Variants in COX15 observed in about 807,000 individuals in gnomAD.
The protein encoded by COX15 is cytochrome c oxidase assembly factor COX15.
COX15 carries 51 observed loss-of-function variants against 51.9 expected under a neutral mutation model. That is an observed-to-expected ratio of 0.98 (90% CI 0.78 to 1.24). COX15 has a LOEUF of 1.24. Among genes scored for constraint, COX15 ranks in the 50% most tolerant of loss-of-function variants. The pLI is 0.00. For synonymous variants in COX15, 188 were observed against 190.5 expected (o/e 0.99, Z 0.11); for missense variants, 420 against 501.1 (o/e 0.84, Z 1.55).
At chr10:99,709,140 T>G, downstream of COX15, 3 of 984,352 alleles carry the variant, frequency 3.0e-6, no homozygotes, top group Non-Finnish European at 3.6e-6. Context: ...AGCAATTCAT[T>G]AGATGACTAC....
At chr10:99,704,912 C>T in the COX15 span, 23 of 554,414 alleles carry the variant, frequency 4.1e-5, no homozygotes, top group Non-Finnish European at 6.1e-5. Flanking sequence ...GGTGCTAATA[C>T]GGGGGACCAA....
At chr10:99,709,053 G>A (rs1346220611), downstream of COX15, 1 of 982,618 alleles carries the variant, frequency 1.0e-6, no homozygotes, top group African/African-American at 1.7e-5. Flanking sequence ...TCTTGTTCCT[G>A]TATTTCTTTT....
At chr10:99,722,724 C>A (rs1425114482) in intron 5 of COX15, among the ~76,000 whole-genome samples, 5 of 151,996 alleles carry the variant, frequency 3.3e-5, no homozygotes, top group Non-Finnish European at 7.4e-5. Flanking sequence ...GTCCCAGCTA[C>A]TCGGGAGGCT....
At chr10:99,716,006 T>TTA (rs1291333882) in intron 8 of COX15, among the ~76,000 whole-genome samples, 1 of 142,714 alleles carries the variant, frequency 7.0e-6, no homozygotes. Flanking sequence ...TTTTTTTTTT[T>TTA]AAACAGACAG....
In COX15 at chr10:99,716,477, A is replaced by G. The variant is rs776688194; in HGVS notation, c.988-16T>C. ...AAGTGATTCCCTGCAGGGAAGAAAG[A>G]GTCTATCACATTAGATAGAAGTGCC... On this transcript the variant is annotated splice_polypyrimidine_tract_variant and intron_variant, in intron 7 of 8. Transcript: ENST00000016171. 2 of 1,552,852 alleles carry G rather than the reference A, an allele frequency of 1.3e-6. No homozygotes were observed. Among genetic ancestry groups the G allele is most frequent in the Admixed American group, 3.3e-5 (2 of 59,930 alleles).
intron 8 of COX15, among the ~76,000 whole-genome samples, chr10:99,715,539 T>G (rs1228596534): frequency 1.3e-5 from 2 of 151,940 alleles, no homozygotes; most frequent in African/African-American, 2.4e-5. Context: ...GGACTGTTTC[T>G]AGGACTGACA....
In COX15 at chr10:99,710,898, A is replaced by G. The variant is rs2036360723; in HGVS notation, c.*3689T>C. On this transcript the variant is annotated 3_prime_UTR_variant, in exon 9 of 9. Transcript: ENST00000016171. ...AAAGCCATGTGTTTTAATTTCCTTC[A>G]TGTTTTAAAAACAATGGACGTAAGT... 1.0e-6 allele frequency: 1 copy of G among 985,246 alleles called. No individual in the cohort carries two copies. The highest frequency in any genetic ancestry group is 6.2e-5 in the Admixed American group (1 of 16,254). The allele number at this position is 985,246 out of a possible 1,614,324, so 61.0% of individuals were successfully genotyped here. A position where few individuals can be genotyped will look rare whatever the true frequency, so the allele number is the denominator to read the frequency against.
At chr10:99,725,411 T>A (rs1174733518) in intron 4 of COX15, among the ~76,000 whole-genome samples, 1 of 152,218 alleles carries the variant, frequency 6.6e-6, no homozygotes, top group Non-Finnish European at 1.5e-5. Flanking sequence ...TCCCTAATAG[T>A]GTTTTCAGTG....
chr10:99,716,451 G>A lies in COX15; in HGVS notation c.998C>T (p.Ser333Leu), dbSNP rs2036583411. ...QFDHRILGITSVTAITVLYFL... is the reference protein window; with the variant it reads ...QFDHRILGITLVTAITVLYFL... ...GTAGAGCACTGTAATGGCAGTGACT[G>A]AAGTGATTCCCTGCAGGGAAGAAAG... Residue 333 changes from serine to leucine, a missense_variant, in exon 8 of 9, where the codon TCA (serine) becomes TTA (leucine). Ser to Leu is a moderately radical substitution (Grantham distance 145). Transcript: ENST00000016171. The A allele has an allele frequency of 1.9e-6, 3 of 1,609,248 alleles. 1 individual carries two copies. The highest frequency in any genetic ancestry group is 8.5e-7 in the Non-Finnish European group (1 of 1,175,782).
chr10:99,724,164 A>C (rs758632875), intron 4 of COX15, 41 bp from the exon 5 acceptor site: 21 of 1,611,112 alleles, frequency 1.3e-5, no homozygotes, highest in Non-Finnish European at 1.6e-5. Context: ...ACAAGGTTAA[A>C]ATGATCTGTT....
chr10:99,698,678 G>A, the COX15 span: 7 of 1,614,092 alleles, frequency 4.3e-6, no homozygotes, highest in Non-Finnish European at 5.9e-6. Context: ...GTGGGGCAAT[G>A]CTGAGCCCCC....
At chr10:99,726,746 G>A (rs1052628412) in intron 4 of COX15, among the ~76,000 whole-genome samples, 1 of 152,040 alleles carries the variant, frequency 6.6e-6, no homozygotes, top group African/African-American at 2.4e-5. Context: ...AATTAGCCAG[G>A]CATAGTGGCA....
Position 99,713,197 on chromosome 10 carries a change from A to C in COX15, c.*1390T>G. ...TAACAACATGAATACTACTTGGTTC[A>C]TATTGAACCTGAGGACAACTAAAAT... On this transcript the variant is annotated 3_prime_UTR_variant, in exon 9 of 9. Transcript: ENST00000016171. The C allele has an allele frequency of 7.2e-7, 1 of 1,392,480 alleles. No homozygotes were observed. 86.3% of individuals were successfully genotyped at this position (1,392,480 alleles called of 1,614,324 possible). A position where few individuals can be genotyped will look rare whatever the true frequency, so the allele number is the denominator to read the frequency against.
chr10:99,725,563 A>C (rs190490136), intron 4 of COX15, among the ~76,000 whole-genome samples: 282 of 150,606 alleles, frequency 1.9e-3, no homozygotes, highest in Middle Eastern at 6.8e-3. Flanking sequence ...TTCTTTCTTT[A>C]TTTATTTTTT....
the COX15 span, among the ~76,000 whole-genome samples, chr10:99,698,342 CCTCT>C: frequency 1.3e-5 from 2 of 152,118 alleles, no homozygotes; most frequent in Non-Finnish European, 2.9e-5. Flanking sequence ...TCACCATATT[CCTCT>C]CTTTTTTTTC....
chr10:99,701,950 AG>A, the COX15 span, among the ~76,000 whole-genome samples: 5 of 151,980 alleles, frequency 3.3e-5, no homozygotes, highest in Non-Finnish European at 7.4e-5. Flanking sequence ...CGGGAGGCTG[AG>A]GCAGGGAGAA....
chr10:99,697,550 G>C, the COX15 span: 1 of 155,948 alleles, frequency 6.4e-6, no homozygotes, highest in Non-Finnish European at 1.4e-5. Flanking sequence ...TGAGTAAAAG[G>C]CATATCTTGT....
At chr10:99,722,387 A>T (rs2036803243) in intron 5 of COX15, among the ~76,000 whole-genome samples, 1 of 152,070 alleles carries the variant, frequency 6.6e-6, no homozygotes, top group African/African-American at 2.4e-5. Flanking sequence ...TAAATGTGTG[A>T]GTGTGTATGT....
intron 8 of COX15, 89 bp from the exon 9 acceptor site, chr10:99,714,807 T>A: frequency 6.3e-7 from 1 of 1,597,942 alleles, no homozygotes; most frequent in Non-Finnish European, 8.5e-7. Context: ...CACACAAACC[T>A]CCACATCCTC....
Sources: allele counts gnomAD v4.1 joint callset (sites outside exome capture counted in the v4.1 genomes callset), GRCh38; gene constraint gnomAD v4.1.1; transcripts MANE v1.5; gene names NCBI Gene and HGNC (gene_info 2026-07-23, HGNC 2026-07-21).